Variants in AGBL1 observed in about 807,000 individuals in gnomAD.
AGBL1 encodes cytosolic carboxypeptidase 4.
AGBL1 carries 130 observed loss-of-function variants against 118.9 expected under a neutral mutation model. The ratio of observed to expected loss-of-function variants is 1.09; its 90% CI spans 0.95 to 1.26. The LOEUF is 1.26. Ranked by LOEUF, AGBL1 falls within the 50% of genes most tolerant of loss-of-function variation. The probability of loss-of-function intolerance (pLI) is 0.00; values close to 1 mark genes in which losing one functional copy is unlikely to be tolerated. For missense variants in AGBL1, 1,584 were observed against 1,298.1 expected (o/e 1.22, Z -3.38); for synonymous variants, 555 against 478.9 (o/e 1.16, Z -2.08).
intron 22 of AGBL1, among the ~76,000 whole-genome samples, chr15:86,867,982 T>A (rs1464948067): frequency 6.6e-6 from 1 of 152,188 alleles, no homozygotes; most frequent in South Asian, 2.1e-4. Flanking sequence ...TGGTGTTTCA[T>A]AAATGCCTGA....
At chr15:86,277,776 A>G (rs2079281396) in intron 15 of AGBL1, among the ~76,000 whole-genome samples, 2 of 152,210 alleles carry the variant, frequency 1.3e-5, no homozygotes, top group Admixed American at 6.5e-5. Context: ...GTAGGTGAAG[A>G]ACTGGGGACA....
At chr15:86,831,660 G>C (rs1018209545) in intron 22 of AGBL1, among the ~76,000 whole-genome samples, 1 of 152,224 alleles carries the variant, frequency 6.6e-6, no homozygotes, top group Non-Finnish European at 1.5e-5. Flanking sequence ...TGGCTTTGCA[G>C]AATATAGCCT....
intron 18 of AGBL1, among the ~76,000 whole-genome samples, chr15:86,477,706 G>A (rs966920440): frequency 2.0e-5 from 3 of 152,156 alleles, no homozygotes. Context: ...AACAGAAAAA[G>A]AGGGAATTCT....
At chr15:86,756,808 G>T (rs1442313172) in intron 22 of AGBL1, among the ~76,000 whole-genome samples, 3 of 151,966 alleles carry the variant, frequency 2.0e-5, no homozygotes, top group Non-Finnish European at 4.4e-5. Flanking sequence ...ATAAATAATG[G>T]TAAGTAGCTT....
intron 23 of AGBL1, among the ~76,000 whole-genome samples, chr15:86,954,276 T>C (rs1596670985): frequency 6.6e-6 from 1 of 152,188 alleles, no homozygotes; most frequent in African/African-American, 2.4e-5. Context: ...ACCATTCGAC[T>C]TGGCAATCCC....
intron 22 of AGBL1, among the ~76,000 whole-genome samples, chr15:86,775,346 CA>C (rs1247107757): frequency 6.6e-6 from 1 of 152,060 alleles, no homozygotes; most frequent in African/African-American, 2.4e-5. Context: ...AAGAAAAATG[CA>C]AAAGGCAATT....
intron 17 of AGBL1, among the ~76,000 whole-genome samples, chr15:86,392,676 A>G (rs950984314): frequency 7.2e-5 from 11 of 152,282 alleles, no homozygotes; most frequent in Admixed American, 5.9e-4. Context: ...TAAAGGCCTG[A>G]TATCTCTTAG....
intron 22 of AGBL1, among the ~76,000 whole-genome samples, chr15:86,726,967 G>C (rs1001164564): frequency 1.3e-5 from 2 of 151,270 alleles, no homozygotes; most frequent in African/African-American, 4.9e-5. Context: ...TCAGATACAC[G>C]TGGGGAGCTT....
At chr15:86,221,403 A>G (rs372169555) in intron 5 of AGBL1, among the ~76,000 whole-genome samples, 3 of 152,208 alleles carry the variant, frequency 2.0e-5, no homozygotes, top group African/African-American at 7.2e-5. Flanking sequence ...TTAGTTGTTT[A>G]AGTTTTAGCA....
intron 5 of AGBL1, among the ~76,000 whole-genome samples, chr15:86,217,608 A>G (rs1482407598): frequency 2.0e-5 from 3 of 152,244 alleles, no homozygotes; most frequent in African/African-American, 7.2e-5. Context: ...CACCTAAGTT[A>G]GGATGTAAAG....
At chr15:86,651,616 C>T (rs897891928) in intron 21 of AGBL1, among the ~76,000 whole-genome samples, 5 of 152,178 alleles carry the variant, frequency 3.3e-5, no homozygotes, top group South Asian at 2.1e-4. Context: ...GGAGCATTGA[C>T]GTTCGTCAGT....
At chr15:86,716,771 T>G (rs1181110896) in intron 22 of AGBL1, among the ~76,000 whole-genome samples, 1 of 152,200 alleles carries the variant, frequency 6.6e-6, no homozygotes, top group African/African-American at 2.4e-5. Flanking sequence ...TTTATTTTAC[T>G]CAACAAATTG....
intron 16 of AGBL1, among the ~76,000 whole-genome samples, chr15:86,294,913 C>T (rs74025095): frequency 0.038 from 5,844 of 152,292 alleles, 369 homozygotes; most frequent in African/African-American, 0.13. Flanking sequence ...ACCCCATCCC[C>T]TGACCCTTCC....
intron 17 of AGBL1, among the ~76,000 whole-genome samples, chr15:86,366,934 T>C (rs1399136848): frequency 6.6e-6 from 1 of 152,202 alleles, no homozygotes; most frequent in Admixed American, 6.5e-5. Flanking sequence ...CACCCGGGCT[T>C]GTGGACCATG....
rs138434470 is a variant in AGBL1 at position 86,743,097 on chromosome 15, CAATGTTA to C, written c.3158+68664_3158+68670del. On this transcript the variant is annotated intron_variant, in intron 22 of 22. Transcript: ENST00000614907. The stretch of plus-strand genomic sequence containing the variant: ...AGACTCCCAAGGAGCGTGGTCACAG[CAATGTTA>C]AAGACTTGAACATATAGCTCCTCAA... Among the ~76,000 whole-genome samples the C allele has an allele frequency of 1.7e-3, 265 of 152,200 alleles. 2 individuals are homozygous for C. In the East Asian group the frequency reaches 0.022, roughly 13 times the overall value.
chr15:86,152,471 G>A (rs2077126420), intron 3 of AGBL1, among the ~76,000 whole-genome samples: 1 of 152,176 alleles, frequency 6.6e-6, no homozygotes, highest in Non-Finnish European at 1.5e-5. Flanking sequence ...TATGTAGAAA[G>A]CTGAAACTGG....
At chr15:86,469,297 G>A (rs1261777880) in intron 18 of AGBL1, among the ~76,000 whole-genome samples, 1 of 152,122 alleles carries the variant, frequency 6.6e-6, no homozygotes, top group Non-Finnish European at 1.5e-5. Context: ...CTATGAGTTA[G>A]AAGTTTTTTA....
At chr15:86,150,207 A>T (rs1256167041) in intron 3 of AGBL1, among the ~76,000 whole-genome samples, 2 of 152,248 alleles carry the variant, frequency 1.3e-5, no homozygotes, top group African/African-American at 4.8e-5. Context: ...CTAACATCAC[A>T]ACTAAAAGAA....
chr15:86,798,845 T>C (rs1169769465), intron 22 of AGBL1, among the ~76,000 whole-genome samples: 1 of 151,038 alleles, frequency 6.6e-6, no homozygotes, highest in Non-Finnish European at 1.5e-5. Context: ...TTTTTGTTGT[T>C]GTCGTTTGTC....
Sources: allele counts gnomAD v4.1 joint callset (sites outside exome capture counted in the v4.1 genomes callset), GRCh38; gene constraint gnomAD v4.1.1; transcripts MANE v1.5; gene names NCBI Gene and HGNC (gene_info 2026-07-23, HGNC 2026-07-21).